Variants in GDI2 observed in about 807,000 individuals in gnomAD.
GDI2 encodes rab GDP dissociation inhibitor beta.
In GDI2, 22 loss-of-function variants were observed where a neutral mutation model predicts 54.2. That is an observed-to-expected ratio of 0.41 (90% confidence interval 0.29 to 0.58). The LOEUF (loss-of-function observed/expected upper bound fraction) is 0.58. GDI2 is among the 20% of genes least tolerant of loss of function. The pLI, the probability that GDI2 is intolerant of heterozygous loss-of-function variation, is 0.35. For missense variants in GDI2, 422 were observed against 546.0 expected (o/e 0.77, Z 2.26); for synonymous variants, 177 against 182.1 (o/e 0.97, Z 0.23).
At chr10:5,793,616 T>C (rs952029450) in intron 4 of GDI2, among the ~76,000 whole-genome samples, 5 of 152,158 alleles carry the variant, frequency 3.3e-5, no homozygotes, top group African/African-American at 1.2e-4. Flanking sequence ...AGAAAACTTT[T>C]CAGCGCTGAT....
chr10:5,801,726 A>G (rs186974159), intron 1 of GDI2, among the ~76,000 whole-genome samples: 2 of 151,994 alleles, frequency 1.3e-5, no homozygotes, highest in East Asian at 3.9e-4. Context: ...AAGTAACTTT[A>G]TTGGCCAGGC....
intron 8 of GDI2, among the ~76,000 whole-genome samples, chr10:5,767,022 C>T (rs1420308382): frequency 2.0e-5 from 3 of 152,198 alleles, no homozygotes; most frequent in African/African-American, 4.8e-5. Context: ...TTAGTACTGA[C>T]GTCCTCATTT....
chr10:5,806,296 C>T (rs946670098), intron 1 of GDI2, among the ~76,000 whole-genome samples: 44 of 151,926 alleles, frequency 2.9e-4, no homozygotes, highest in African/African-American at 9.2e-4. Context: ...GATTAGGGAC[C>T]GGGCATGGTG....
intron 6 of GDI2, among the ~76,000 whole-genome samples, chr10:5,782,789 C>T (rs560782203): frequency 4.6e-5 from 7 of 152,048 alleles, no homozygotes; most frequent in Admixed American, 6.6e-5. Flanking sequence ...AAAAATTAGC[C>T]GGATGTGGTG....
chr10:5,771,603 C>T (rs1840490021), intron 7 of GDI2, among the ~76,000 whole-genome samples: 1 of 151,566 alleles, frequency 6.6e-6, no homozygotes, highest in African/African-American at 2.4e-5. Context: ...AAAATAAATG[C>T]TCAGTAAATG....
chr10:5,765,986 C>T lies in GDI2; in HGVS notation c.*20G>A. 2 of 1,551,398 alleles carry T rather than the reference C, an allele frequency of 1.3e-6. No homozygotes were observed. Among genetic ancestry groups the T allele is most frequent in the Non-Finnish European group, 1.7e-6 (2 of 1,152,256 alleles). On this transcript the variant is annotated 3_prime_UTR_variant, in exon 11 of 11. Transcript: ENST00000380191. Reference sequence around the variant, plus strand: ...CCAAATTTTAAATGTGTCCTAATTACATAATAACATGTACTGCTGTTAGTC... The same window carrying T: ...CCAAATTTTAAATGTGTCCTAATTATATAATAACATGTACTGCTGTTAGTC...
intron 1 of GDI2, among the ~76,000 whole-genome samples, chr10:5,810,996 GTTC>G (rs890874806): frequency 1.2e-4 from 18 of 152,108 alleles, no homozygotes; most frequent in East Asian, 1.2e-3. Context: ...CTTTTTTTAG[GTTC>G]TTAAGTCTCA....
intron 1 of GDI2, among the ~76,000 whole-genome samples, chr10:5,805,092 A>G (rs1345072700): frequency 1.3e-5 from 2 of 152,022 alleles, no homozygotes; most frequent in African/African-American, 4.8e-5. Flanking sequence ...TCAGCCTCCC[A>G]AAGTGCTGTG....
Position 5,772,966 on chromosome 10 carries a change from C to CTT in GDI2, c.819+875_819+876insAA, listed in dbSNP as rs528709412. Among the ~76,000 whole-genome samples the CTT allele has an allele frequency of 4.9e-4, 74 of 152,224 alleles. No homozygotes were observed. The South Asian group carries it at 0.015, about 31-fold the overall frequency. ...TTTAAGCCTCCAGGTATAACCTGGA[C>CTT]ATAATACCCGCCTCTTAGGATCCTT... On this transcript the variant is annotated intron_variant, in intron 7 of 10. Coordinates refer to ENST00000380191, the MANE Select transcript of GDI2 (RefSeq NM_001494.4).
intron 6 of GDI2, among the ~76,000 whole-genome samples, chr10:5,779,557 G>A (rs1356686265): frequency 6.6e-6 from 1 of 151,186 alleles, no homozygotes; most frequent in Non-Finnish European, 1.5e-5. Flanking sequence ...GATCTAGACA[G>A]TATAAAAAAA....
At position 5,803,141 on chromosome 10, in the gene GDI2, G is replaced by A. The variant is rs565511928; in HGVS notation, c.46-2436C>T. Among the ~76,000 whole-genome samples, 5 of 152,198 alleles carry A rather than the reference G, an allele frequency of 3.3e-5. 1 individual carries two copies. Among genetic ancestry groups the A allele is most frequent in the Non-Finnish European group, 7.3e-5 (5 of 68,030 alleles). ...AGACATTAAAGGATTTGCAGAAAAC[G>A]TGAAATATTGATAGTCTTCTCACAA... is the stretch of plus-strand genomic sequence containing the variant. On this transcript the variant is annotated intron_variant, in intron 1 of 10. Transcript: ENST00000380191.
chr10:5,789,493 C>G (rs539609305), intron 4 of GDI2, among the ~76,000 whole-genome samples: 2 of 151,964 alleles, frequency 1.3e-5, no homozygotes, highest in Admixed American at 6.6e-5. Context: ...GTGAACATAG[C>G]ACAGTACAGC....
rs1477523346 is a variant in GDI2, at chr10:5,768,038, T to C, written c.991+175A>G. The stretch of plus-strand genomic sequence containing the variant: ...CAAGGCTGGCTCCGAGTTGAATCTG[T>C]CCGCGTTGACACAATGCTGCCGGAG... On this transcript the variant is annotated intron_variant, in intron 8 of 10. Transcript: ENST00000380191. This position sits in a 1 kb window ranked among gnomAD's most constrained non-coding sequence, Gnocchi z 4.4. Among the ~76,000 whole-genome samples, 1 of 152,202 alleles carries C rather than the reference T, an allele frequency of 6.6e-6. No homozygotes were observed. Among genetic ancestry groups the C allele is most frequent in the African/African-American group, 2.4e-5 (1 of 41,440 alleles).
chr10:5,767,318 GT>G (rs56770624), intron 8 of GDI2, among the ~76,000 whole-genome samples: 1 of 150,808 alleles, frequency 6.6e-6, no homozygotes, highest in African/African-American at 2.4e-5. Flanking sequence ...TTTGTGATTG[GT>G]TTTTTTTTGT....
Position 5,766,173 on chromosome 10 carries a change from GACT to G in GDI2, c.1192-24_1192-22del, listed in dbSNP as rs1564386106. On this transcript the variant is annotated intron_variant, in intron 10 of 10. Coordinates refer to ENST00000380191, the MANE Select transcript of GDI2 (RefSeq NM_001494.4). The surrounding 1 kb of genome is among the most constrained non-coding windows in gnomAD (Gnocchi z 5.8). ...AAGATCTGAAAACAAAAATTACGAA[GACT>G]TAAGACCATGGAGGGATGTCTTCCA... The G allele has an allele frequency of 6.2e-7, 1 of 1,613,120 alleles. No individual in the cohort carries two copies. The highest frequency in any genetic ancestry group is 1.3e-5 in the African/African-American group (1 of 75,028).
Position 5,766,610 on chromosome 10 carries a change from C to T in GDI2, c.1020G>A (p.Ala340=), listed in dbSNP as rs781100448. 1.1e-5 allele frequency: 18 copies of T among 1,613,014 alleles called. No individual in the cohort carries two copies. The highest frequency in any genetic ancestry group is 4.0e-5 in the African/African-American group (3 of 74,894). Residue 340 remains alanine, a synonymous_variant, in exon 9 of 11, where the codon GCG becomes GCA. Transcript: ENST00000380191. This position sits in a 1 kb window ranked among gnomAD's most constrained non-coding sequence, Gnocchi z 5.8. ...ACTTCCCTTGTGCTGCTACATTGTG[C>T]GCAAAGGAGATCATGCAGACGTAGA... ...SDIYVCMISF[A]HNVAAQGKYI... is the part of the protein sequence containing the mutation.
intron 1 of GDI2, among the ~76,000 whole-genome samples, chr10:5,809,037 G>C (rs1037048696): frequency 2.6e-5 from 4 of 152,092 alleles, no homozygotes. Context: ...CTGAGGTTAG[G>C]AGTTCGAGAC....
Position 5,776,549 on chromosome 10 carries a change from G to C in GDI2, c.720-2608C>G. On this transcript the variant is annotated intron_variant, in intron 6 of 10. Transcript: ENST00000380191. The surrounding 1 kb of genome is among the most constrained non-coding windows in gnomAD (Gnocchi z 5.3). ...AGAAGCAGATTTGAAGAGGCATGTG[G>C]AATTCCTTGTGGCTGAGAATGAAAG... 1 of 1,560,424 alleles carries C rather than the reference G, an allele frequency of 6.4e-7. No individual in the cohort carries two copies.
At chr10:5,804,115 T>C (rs1342051838) in intron 1 of GDI2, among the ~76,000 whole-genome samples, 1 of 150,876 alleles carries the variant, frequency 6.6e-6, no homozygotes, top group Non-Finnish European at 1.5e-5. Context: ...TTTATTGAGA[T>C]AGGAGTCTCA....
Sources: allele counts gnomAD v4.1 joint callset (sites outside exome capture counted in the v4.1 genomes callset), GRCh38; gene constraint gnomAD v4.1.1; non-coding constraint Gnocchi (gnomAD v3.1); transcripts MANE v1.5; gene names NCBI Gene and HGNC (gene_info 2026-07-23, HGNC 2026-07-21).